The following PEMT variants were observed in gnomAD, a reference collection of about 807,000 sequenced individuals.
PEMT encodes phosphatidylethanolamine N-methyltransferase.
A neutral mutation model predicts 27.4 loss-of-function variants in PEMT; 23 were observed. The observed-to-expected ratio is 0.84, with a 90% CI of 0.60 to 1.19. The LOEUF is 1.19. Ranked by LOEUF, PEMT falls within the 50% of genes most tolerant of loss-of-function variation. The pLI, the probability that PEMT is intolerant of heterozygous loss-of-function variation, is 0.00. For synonymous variants in PEMT, 137 were observed against 139.1 expected, an observed-to-expected ratio of 0.98 and a Z score of 0.11; for missense variants, 307 against 310.1, an observed-to-expected ratio of 0.99 and a Z score of 0.07.
chr17:17,570,809 A>G, intron 2 of PEMT: 1 of 985,420 alleles, frequency 1.0e-6, no homozygotes, highest in African/African-American at 1.7e-5. Context: ...GCTGCTGGTG[A>G]TCTGGCGGGG....
At chr17:17,558,145 C>CA (rs1384680945) in intron 2 of PEMT, among the ~76,000 whole-genome samples, 1 of 151,900 alleles carries the variant, frequency 6.6e-6, no homozygotes, top group Non-Finnish European at 1.5e-5. Context: ...AGTTTGAGAC[C>CA]AGCCTGGGCA....
At chr17:17,538,833 T>G (rs1908678534) in intron 2 of PEMT, among the ~76,000 whole-genome samples, 1 of 152,226 alleles carries the variant, frequency 6.6e-6, no homozygotes, top group African/African-American at 2.4e-5. Context: ...GACTTCAGCC[T>G]GCCTCGGAAA....
rs892915255 is a variant in PEMT, at chr17:17,523,779, G to A, written c.205-1384C>T. Among the ~76,000 whole-genome samples the A allele has an allele frequency of 2.0e-5, 3 of 152,156 alleles. No homozygotes were observed. Among genetic ancestry groups the A allele is most frequent in the African/African-American group, 7.2e-5 (3 of 41,414 alleles). On this transcript the variant is annotated intron_variant, in intron 2 of 6. Transcript: ENST00000255389. The surrounding 1 kb of genome is among the most constrained non-coding windows in gnomAD (Gnocchi z 4.8). ...GGAGCAGTCTGCAGAGAGCACCGCG[G>A]GGGCCCAGGACCACAGCCTGCTTTG...
At chr17:17,588,787 C>T (rs1912452857) in intron 1 of PEMT, among the ~76,000 whole-genome samples, 1 of 152,214 alleles carries the variant, frequency 6.6e-6, no homozygotes, top group South Asian at 2.1e-4. Context: ...AAGATGCAGA[C>T]CCTGCTCTCA....
At chr17:17,555,088 T>G (rs969416797) in intron 2 of PEMT, among the ~76,000 whole-genome samples, 1 of 152,060 alleles carries the variant, frequency 6.6e-6, no homozygotes, top group African/African-American at 2.4e-5. Flanking sequence ...ACCAACTCAC[T>G]GGATTCTCAC....
At chr17:17,556,697 C>T (rs1001990590) in intron 2 of PEMT, among the ~76,000 whole-genome samples, 1 of 152,092 alleles carries the variant, frequency 6.6e-6, no homozygotes, top group African/African-American at 2.4e-5. Flanking sequence ...TCTGTTGCCT[C>T]TGAACATGCA....
In PEMT at chr17:17,512,616, C is replaced by A; in HGVS notation, c.359G>T (p.Ser120Ile). The A allele has an allele frequency of 6.3e-7, 1 of 1,592,740 alleles. No homozygotes were observed. Among genetic ancestry groups the A allele is most frequent in the South Asian group, 1.1e-5 (1 of 87,968 alleles). ...GCTGTAGGCCGCGGGGGTGTCCAGG[C>A]TCTCCATCCTGGGCTGGCTCAGCAT... is the stretch of plus-strand genomic sequence containing the variant. ...QAMLSQPRMESLDTPAAYSLG... is the reference protein window; with the variant it reads ...QAMLSQPRMEILDTPAAYSLG... Residue 120 changes from serine (S) to isoleucine (I), a missense_variant, in exon 4 of 7, where the codon AGC becomes ATC. Ser to Ile is a moderately radical substitution (Grantham distance 142). Coordinates refer to ENST00000255389, the MANE Select transcript of PEMT (RefSeq NM_148172.3). The surrounding 1 kb of genome is among the most constrained non-coding windows in gnomAD (Gnocchi z 6.3).
intron 2 of PEMT, among the ~76,000 whole-genome samples, chr17:17,572,471 A>G (rs1050240080): frequency 1.6e-4 from 24 of 152,132 alleles, no homozygotes; most frequent in African/African-American, 5.8e-4. Context: ...GACACTCAAG[A>G]GTGCCCCAGG....
chr17:17,543,950 T>C (rs188603949), intron 2 of PEMT, among the ~76,000 whole-genome samples: 1 of 152,290 alleles, frequency 6.6e-6, no homozygotes, highest in Admixed American at 6.5e-5. Context: ...CTTGCCTCCA[T>C]GTGGGAGGAG....
Position 17,577,040 on chromosome 17 carries a change from A to C in PEMT, c.97-13T>G. The C allele has an allele frequency of 6.3e-7, 1 of 1,593,068 alleles. No homozygotes were observed. Among genetic ancestry groups the C allele is most frequent in the Non-Finnish European group, 8.6e-7 (1 of 1,161,156 alleles). On this transcript the variant is annotated splice_polypyrimidine_tract_variant and intron_variant, in intron 1 of 6. Coordinates refer to ENST00000255389, the MANE Select transcript of PEMT (RefSeq NM_148172.3). Reference sequence around the variant, plus strand: ...CGCAGAAGTCTGCCTGCAGGGACAGAGCTAGCATCAGCACCACCCAGACAC... The same window carrying C: ...CGCAGAAGTCTGCCTGCAGGGACAGCGCTAGCATCAGCACCACCCAGACAC...
At position 17,582,020 on chromosome 17, in the gene PEMT, G is replaced by A. The variant is rs1267144487; in HGVS notation, c.97-4993C>T. Among the ~76,000 whole-genome samples, 2 of 152,272 alleles carry A rather than the reference G, an allele frequency of 1.3e-5. No individual in the cohort carries two copies. The highest frequency in any genetic ancestry group is 2.9e-5 in the Non-Finnish European group (2 of 68,022). ...AAAGAACCAAAAATCCAGGTCAGAC[G>A]TGAGCAGAGTAGGAGAGTCCTGGGT... On this transcript the variant is annotated intron_variant, in intron 1 of 6. Transcript: ENST00000255389. This position sits in a 1 kb window ranked among gnomAD's most constrained non-coding sequence, Gnocchi z 4.9.
chr17:17,546,317 C>G (rs1255627488), intron 2 of PEMT, among the ~76,000 whole-genome samples: 1 of 152,100 alleles, frequency 6.6e-6, no homozygotes, highest in African/African-American at 2.4e-5. Context: ...TGGGTTTGGC[C>G]GGGCTTTGCT....
chr17:17,521,696 C>G (rs1423840376), intron 3 of PEMT, among the ~76,000 whole-genome samples: 1 of 152,198 alleles, frequency 6.6e-6, no homozygotes, highest in Non-Finnish European at 1.5e-5. Context: ...TCTCGAGTAG[C>G]TGGGATTACA....
chr17:17,540,498 C>T (rs1167221118), intron 2 of PEMT, among the ~76,000 whole-genome samples: 1 of 152,192 alleles, frequency 6.6e-6, no homozygotes, highest in Non-Finnish European at 1.5e-5. Context: ...GTGGCAGCAG[C>T]CACTGTGCAA....
At chr17:17,583,128 C>A (rs1301222962) in intron 1 of PEMT, among the ~76,000 whole-genome samples, 2 of 151,710 alleles carry the variant, frequency 1.3e-5, no homozygotes, top group Admixed American at 1.3e-4. Context: ...GTAATCCCAG[C>A]ATTCTGGGAG....
At chr17:17,515,413 C>A (rs1489074132) in intron 3 of PEMT, among the ~76,000 whole-genome samples, 1 of 152,202 alleles carries the variant, frequency 6.6e-6, no homozygotes, top group African/African-American at 2.4e-5. Flanking sequence ...CCAGACCTGA[C>A]CCTCAGTCCC....
At chr17:17,517,392 A>G (rs1409194381) in intron 3 of PEMT, among the ~76,000 whole-genome samples, 2 of 152,058 alleles carry the variant, frequency 1.3e-5, no homozygotes, top group East Asian at 1.9e-4. Context: ...TTTTTCTGCC[A>G]TGGAACGCTG....
At chr17:17,550,468 G>A (rs1362132314) in intron 2 of PEMT, among the ~76,000 whole-genome samples, 2 of 152,026 alleles carry the variant, frequency 1.3e-5, no homozygotes, top group Non-Finnish European at 2.9e-5. Flanking sequence ...TCTGCTTCAG[G>A]ACCCCCCTTC....
intron 2 of PEMT, among the ~76,000 whole-genome samples, chr17:17,570,105 G>A (rs1316594515): frequency 6.6e-6 from 1 of 152,222 alleles, no homozygotes; most frequent in Non-Finnish European, 1.5e-5. Context: ...AATAAACACT[G>A]CCTGGACATC....
Sources: allele counts gnomAD v4.1 joint callset (sites outside exome capture counted in the v4.1 genomes callset), GRCh38; gene constraint gnomAD v4.1.1; non-coding constraint Gnocchi (gnomAD v3.1); transcripts MANE v1.5; gene names NCBI Gene and HGNC (gene_info 2026-07-23, HGNC 2026-07-21).